The following IRGM variants were observed in gnomAD, a reference collection of about 807,000 sequenced individuals.
IRGM encodes the protein immunity related GTPase M.
For synonymous variants in IRGM, 98 were observed against 80.6 expected (o/e 1.22, Z -1.16); for missense variants, 288 against 219.9 (o/e 1.31, Z -1.96).
intron 3 of IRGM, among the ~76,000 whole-genome samples, chr5:150,900,350 T>A (rs879732562): frequency 1.3e-5 from 2 of 152,080 alleles, no homozygotes; most frequent in Non-Finnish European, 2.9e-5. Context: ...CTGCCCTTTC[T>A]ACTTTTACAA....
intron 3 of IRGM, among the ~76,000 whole-genome samples, chr5:150,886,034 G>A (rs1754517126): frequency 6.6e-6 from 1 of 152,104 alleles, no homozygotes; most frequent in East Asian, 1.9e-4. Context: ...TATGATGTTG[G>A]CTGTTTGTCA....
Position 150,848,681 on chromosome 5 carries a change from A to G in IRGM, c.*12A>G. The G allele has an allele frequency of 6.7e-7, 1 of 1,491,576 alleles. No individual in the cohort carries two copies. Among genetic ancestry groups the G allele is most frequent in the Non-Finnish European group, 9.0e-7 (1 of 1,110,590 alleles). 92.4% of individuals were successfully genotyped at this position (1,491,576 alleles called of 1,614,324 possible). On this transcript the variant is annotated 3_prime_UTR_variant, in exon 2 of 2. Transcript: ENST00000522154. Reference sequence around the variant, plus strand: ...TATGTGAATACTAATTCCTGTCTTCATTAAACATTTTCCATCTCCTCCTAT... The same window carrying G: ...TATGTGAATACTAATTCCTGTCTTCGTTAAACATTTTCCATCTCCTCCTAT...
At chr5:150,896,814 T>C in intron 3 of IRGM, 1 of 1,613,780 alleles carries the variant, frequency 6.2e-7, no homozygotes, top group Non-Finnish European at 8.5e-7. Context: ...GAAGAGTTTG[T>C]CTTGATTCTC....
In IRGM at chr5:150,882,921, C is replaced by T. The variant is rs186387112; in HGVS notation, c.*140+3275C>T. Among the ~76,000 whole-genome samples the T allele has an allele frequency of 3.6e-3, 546 of 152,214 alleles. 4 individuals are homozygous for T. The highest frequency in any genetic ancestry group is 0.012 in the African/African-American group (519 of 41,534). On this transcript the variant is annotated intron_variant and NMD_transcript_variant, in intron 3 of 3. Transcript: ENST00000520549. ...ATCCAAAAGCAGCATAATATACATT[C>T]TTTTCAAGTGCACATAGAATATTCT... is the stretch of plus-strand genomic sequence containing the variant.
At chr5:150,894,463 A>T (rs542443834) in intron 3 of IRGM, 1 of 152,306 alleles carries the variant, frequency 6.6e-6, no homozygotes, top group South Asian at 2.1e-4. Context: ...AAAAAACACA[A>T]CCTTAACATA....
Position 150,848,453 on chromosome 5 carries a change from C to T in IRGM, c.330C>T (p.Phe110=). Residue 110 remains phenylalanine, a synonymous_variant, in exon 2 of 2, where the codon TTC becomes TTT. Transcript: ENST00000522154. The part of the protein sequence containing the change: ...TLENYLMEMQ[F]NRYDFIMVAS... ...AGAACTACCTGATGGAAATGCAGTT[C>T]AACCGGTATGACTTCATCATGGTTG... 1.3e-6 allele frequency: 2 copies of T among 1,551,794 alleles called. No homozygotes were observed. Among genetic ancestry groups the T allele is most frequent in the Non-Finnish European group, 8.7e-7 (1 of 1,146,948 alleles).
chr5:150,855,140 C>T (rs1754033114), intron 1 of IRGM, among the ~76,000 whole-genome samples: 1 of 152,128 alleles, frequency 6.6e-6, no homozygotes, highest in Non-Finnish European at 1.5e-5. Context: ...AGACTCATAG[C>T]CTGGCTGCTA....
intron 1 of IRGM, among the ~76,000 whole-genome samples, chr5:150,862,406 G>A (rs1323787441): frequency 1.3e-5 from 2 of 152,184 alleles, no homozygotes; most frequent in Non-Finnish European, 2.9e-5. Flanking sequence ...TCAAAGGAGG[G>A]AATAATTGGG....
chr5:150,848,529 G>T lies in IRGM; in HGVS notation c.406G>T (p.Asp136Tyr). The T allele has an allele frequency of 6.4e-7, 1 of 1,551,812 alleles. No homozygotes were observed. The highest frequency in any genetic ancestry group is 8.7e-7 in the Non-Finnish European group (1 of 1,146,988). The change falls in exon 2 of 2, where the codon GAC becomes TAC. Residue 136 changes from aspartate (D) to tyrosine (Y), a missense_variant. By Grantham distance (160) the Asp-to-Tyr change is radical. Coordinates refer to ENST00000522154, the MANE Select transcript of IRGM (RefSeq NM_001145805.2). ...NHVMLAKTAE[D>Y]MGKKFYIVWT... Reference sequence around the variant, plus strand: ...TGTGATGCTTGCCAAAACCGCTGAGGACATGGGAAAGAAGTTCTACATTGT... The same window carrying T: ...TGTGATGCTTGCCAAAACCGCTGAGTACATGGGAAAGAAGTTCTACATTGT...
Position 150,848,039 on chromosome 5 carries a change from G to C in IRGM, c.-85G>C. 9.5e-7 allele frequency: 1 copy of C among 1,054,136 alleles called. No homozygotes were observed. The highest frequency in any genetic ancestry group is 2.8e-5 in the Admixed American group (1 of 36,140). The allele number at this position is 1,054,136 out of a possible 1,614,324, so 65.3% of individuals were successfully genotyped here. ...GATGGTCTCAATCTCCTGACCTCGT[G>C]ATCTGCTCGCCTCGGCCTTCCAAAG... On this transcript the variant is annotated 5_prime_UTR_variant, in exon 2 of 2. Coordinates refer to ENST00000522154, the MANE Select transcript of IRGM (RefSeq NM_001145805.2).
intron 3 of IRGM, among the ~76,000 whole-genome samples, chr5:150,894,183 T>C (rs943255191): frequency 6.6e-6 from 1 of 152,220 alleles, no homozygotes; most frequent in East Asian, 1.9e-4. Flanking sequence ...TATGCTCTCC[T>C]GCAGGTCACT....
At position 150,847,083 on chromosome 5, in the gene IRGM, C is replaced by G. The variant is rs2113242929; in HGVS notation, c.-553C>G. On this transcript the variant is annotated 5_prime_UTR_variant, in exon 1 of 2. Transcript: ENST00000522154. ...AGAGCAGAGCATTTGAGTATGCTGT[C>G]TCCTCCTCTCCCTCACTTCAGTTGG... 6.6e-6 allele frequency: 1 copy of G among 152,462 alleles called. No individual in the cohort carries two copies. Among genetic ancestry groups the G allele is most frequent in the Middle Eastern group, 3.4e-3 (1 of 294 alleles). 9.4% of individuals were successfully genotyped at this position (152,462 alleles called of 1,614,324 possible). A position where few individuals can be genotyped will look rare whatever the true frequency, so the allele number is the denominator to read the frequency against.
intron 1 of IRGM, among the ~76,000 whole-genome samples, chr5:150,854,481 T>C (rs143785939): frequency 6.6e-6 from 1 of 152,178 alleles, no homozygotes; most frequent in African/African-American, 2.4e-5. Context: ...TTAACACTGA[T>C]TATAGTGGAG....
intron 1 of IRGM, among the ~76,000 whole-genome samples, chr5:150,874,656 G>T (rs1754336437): frequency 6.6e-6 from 1 of 152,180 alleles, no homozygotes; most frequent in Admixed American, 6.5e-5. Context: ...TCTGCAACAG[G>T]TCCAGGCTGC....
intron 3 of IRGM, chr5:150,897,630 C>G (rs986903890): frequency 6.0e-6 from 1 of 167,364 alleles, no homozygotes; most frequent in Admixed American, 5.9e-5. Context: ...TCAGCCTCAT[C>G]AGCATTTATG....
downstream of IRGM, among the ~76,000 whole-genome samples, chr5:150,901,361 A>G (rs1407569191): frequency 1.3e-5 from 2 of 152,098 alleles, no homozygotes; most frequent in Non-Finnish European, 2.9e-5. Context: ...TGGAATCCTT[A>G]AAAACTACTA....
intron 1 of IRGM, among the ~76,000 whole-genome samples, chr5:150,869,635 A>C (rs567728195): frequency 3.3e-5 from 5 of 152,150 alleles, no homozygotes; most frequent in African/African-American, 4.8e-5. Context: ...CAATTTTAAA[A>C]TTACCATTTC....
chr5:150,896,703 A>G (rs1455451164), intron 3 of IRGM: 2 of 1,613,504 alleles, frequency 1.2e-6, no homozygotes. Flanking sequence ...CTGTATTGAT[A>G]TATCTGTTTC....
intron 3 of IRGM, chr5:150,898,466 T>A (rs764933049): frequency 1.2e-6 from 2 of 1,613,410 alleles, no homozygotes; most frequent in East Asian, 4.5e-5. Context: ...CAGCATCACA[T>A]CCCTGTACAG....
Sources: allele counts gnomAD v4.1 joint callset (sites outside exome capture counted in the v4.1 genomes callset), GRCh38; gene constraint gnomAD v4.1.1; transcripts MANE v1.5; gene names NCBI Gene and HGNC (gene_info 2026-07-23, HGNC 2026-07-21).